PRKAG2: variants seen among roughly 807,000 people sequenced by gnomAD.
PRKAG2 encodes the protein 5'-AMP-activated protein kinase subunit gamma-2.
PRKAG2 carries 26 observed loss-of-function variants against 69.6 expected under a neutral mutation model. The observed-to-expected ratio is 0.37, with a 90% CI of 0.27 to 0.52. The LOEUF is 0.52. Among genes scored for constraint, PRKAG2 ranks in the 20% least tolerant of loss-of-function variants. PRKAG2 has a pLI of 0.90. For missense variants in PRKAG2, 557 were observed against 740.0 expected (o/e 0.75, Z 2.87); for synonymous variants, 293 against 285.0 (o/e 1.03, Z -0.28).
intron 1 of PRKAG2, among the ~76,000 whole-genome samples, chr7:151,827,745 TAAAAAAAAAAAAAAAAA>T (rs55685618): frequency 3.8e-5 from 2 of 52,248 alleles, no homozygotes; most frequent in African/African-American, 7.9e-5. Context: ...TGGCCTTAGG[TAAAAAAAAAAAAAAAAA>T]AAAAAAAAAA....
intron 1 of PRKAG2, among the ~76,000 whole-genome samples, chr7:151,821,062 A>AGAGCCTCCAACCCCACGGACCT (rs1184141184): frequency 6.6e-6 from 1 of 152,200 alleles, no homozygotes; most frequent in Non-Finnish European, 1.5e-5. Context: ...AGCTGTGGAG[A>AGAGCCTCCAACCCCACGGACCT]CAGGGAACAA....
rs149191100 is a variant in PRKAG2 at position 151,822,022 on chromosome 7, G to A, written c.115-35481C>T. 1.5e-3 allele frequency among the ~76,000 whole-genome samples: 225 copies of A among 152,330 alleles called. No homozygotes were observed. The Middle Eastern group carries it at 0.034, about 23-fold the overall frequency. On this transcript the variant is annotated intron_variant, in intron 1 of 15. Coordinates refer to ENST00000287878, the MANE Select transcript of PRKAG2 (RefSeq NM_016203.4). The stretch of plus-strand genomic sequence containing the variant: ...AAGGATCTGGGAGGCACCCCAGTGC[G>A]TTCCAGTGCCGCGTGACTCAGGTGT...
intron 3 of PRKAG2, among the ~76,000 whole-genome samples, chr7:151,675,974 G>A (rs1021745848): frequency 2.6e-5 from 4 of 152,206 alleles, no homozygotes; most frequent in East Asian, 3.9e-4. Flanking sequence ...CACTATCCAC[G>A]CTCGGTTGTG....
chr7:151,561,334 C>A (rs115283926), intron 14 of PRKAG2, among the ~76,000 whole-genome samples: 176 of 152,290 alleles, frequency 1.2e-3, no homozygotes, highest in African/African-American at 4.0e-3. Flanking sequence ...ATATCAGTTT[C>A]TAATAACTAT....
chr7:151,608,263 T>C (rs1428715288), intron 5 of PRKAG2, among the ~76,000 whole-genome samples: 2 of 152,142 alleles, frequency 1.3e-5, no homozygotes, highest in African/African-American at 4.8e-5. Context: ...TACAAGGAAA[T>C]AAACTTCTGT....
intron 1 of PRKAG2, among the ~76,000 whole-genome samples, chr7:151,832,365 G>A (rs1402400311): frequency 1.3e-5 from 2 of 152,096 alleles, no homozygotes; most frequent in East Asian, 3.9e-4. Flanking sequence ...CTGCTTGTTG[G>A]GGGCGAAGCA....
intron 3 of PRKAG2, among the ~76,000 whole-genome samples, chr7:151,697,704 G>A (rs747460263): frequency 1.3e-5 from 2 of 152,076 alleles, no homozygotes; most frequent in Non-Finnish European, 1.5e-5. Flanking sequence ...ACAGTGGTGC[G>A]CTGGGTGCAG....
chr7:151,688,042 G>GCCCCCCA (rs1554539804), intron 3 of PRKAG2, among the ~76,000 whole-genome samples: 1 of 106,982 alleles, frequency 9.3e-6, no homozygotes, highest in Non-Finnish European at 2.0e-5. Context: ...AGGAAATGAG[G>GCCCCCCA]CCCCCCCCCG....
At chr7:151,687,209 T>C (rs1834865534) in intron 3 of PRKAG2, among the ~76,000 whole-genome samples, 1 of 152,210 alleles carries the variant, frequency 6.6e-6, no homozygotes, top group African/African-American at 2.4e-5. Context: ...CCCTGTTCCT[T>C]CTTCACGCTT....
chr7:151,782,611 C>T (rs985655528), intron 2 of PRKAG2, among the ~76,000 whole-genome samples: 1 of 152,224 alleles, frequency 6.6e-6, no homozygotes, highest in African/African-American at 2.4e-5. Flanking sequence ...CTGCTGGATG[C>T]GTGGAGGAGC....
intron 15 of PRKAG2, chr7:151,558,167 A>G (rs1190454102): frequency 1.0e-6 from 1 of 985,340 alleles, no homozygotes; most frequent in African/African-American, 1.7e-5. Context: ...AAGTTTGACA[A>G]TGAACTGTTG....
intron 4 of PRKAG2, among the ~76,000 whole-genome samples, chr7:151,659,615 G>GATACA: frequency 6.6e-6 from 1 of 152,148 alleles, no homozygotes; most frequent in African/African-American, 2.4e-5. Flanking sequence ...GTTAATGCCT[G>GATACA]GTGGGAAACA....
intron 6 of PRKAG2, among the ~76,000 whole-genome samples, chr7:151,578,674 T>C (rs1245747273): frequency 6.6e-6 from 1 of 152,084 alleles, no homozygotes; most frequent in Non-Finnish European, 1.5e-5. Context: ...GATGAGGAAA[T>C]GAGTAGAGCC....
intron 3 of PRKAG2, among the ~76,000 whole-genome samples, chr7:151,773,543 T>G (rs766227712): frequency 2.0e-5 from 3 of 152,220 alleles, no homozygotes; most frequent in Non-Finnish European, 4.4e-5. Context: ...AGAGTTGCTA[T>G]GAAGATTGAA....
At chr7:151,806,933 T>C (rs9648725) in intron 1 of PRKAG2, 130,581 of 449,568 alleles carry the variant, frequency 0.29, 20,121 homozygotes, top group South Asian at 0.35. Flanking sequence ...ACCATTGCAC[T>C]CCAGCCTGGG....
At chr7:151,558,887 TTGAGA>T (rs1804343012) in intron 15 of PRKAG2, 3 of 985,268 alleles carry the variant, frequency 3.0e-6, no homozygotes, top group Admixed American at 1.2e-4. Context: ...TTCTTATGGT[TTGAGA>T]TATCAAGAAA....
chr7:151,699,271 G>A lies in PRKAG2; in HGVS notation c.467-23634C>T, dbSNP rs755696570. Among the ~76,000 whole-genome samples the A allele has an allele frequency of 6.6e-6, 1 of 152,228 alleles. No homozygotes were observed. The highest frequency in any genetic ancestry group is 1.5e-5 in the Non-Finnish European group (1 of 68,044). Reference sequence around the variant, plus strand: ...AACAATATTTCTGAAGATCTCCCACGAAGGTTGCCTCCCTCCCTGCGGTCA... The same window carrying A: ...AACAATATTTCTGAAGATCTCCCACAAAGGTTGCCTCCCTCCCTGCGGTCA... On this transcript the variant is annotated intron_variant, in intron 3 of 15. Transcript: ENST00000287878. The surrounding 1 kb of genome is among the most constrained non-coding windows in gnomAD (Gnocchi z 4.5).
chr7:151,827,772 A>C (rs998709119), intron 1 of PRKAG2, among the ~76,000 whole-genome samples: 2 of 150,084 alleles, frequency 1.3e-5, no homozygotes, highest in African/African-American at 2.5e-5. Context: ...AAAAAAAAAA[A>C]AACTGCCTTG....
chr7:151,586,742 G>A (rs1348262372), intron 6 of PRKAG2, among the ~76,000 whole-genome samples: 2 of 152,164 alleles, frequency 1.3e-5, no homozygotes, highest in Non-Finnish European at 2.9e-5. Flanking sequence ...CATCAGCCTG[G>A]AACAATAGGA....
Sources: allele counts gnomAD v4.1 joint callset (sites outside exome capture counted in the v4.1 genomes callset), GRCh38; gene constraint gnomAD v4.1.1; non-coding constraint Gnocchi (gnomAD v3.1); transcripts MANE v1.5; gene names NCBI Gene and HGNC (gene_info 2026-07-23, HGNC 2026-07-21).